Variants in PDE3A observed in about 807,000 individuals in gnomAD.
The protein encoded by PDE3A is cGMP-inhibited 3',5'-cyclic phosphodiesterase 3A.
A neutral mutation model predicts 98.3 loss-of-function variants in PDE3A; 43 were observed. The observed-to-expected ratio is 0.44, with a 90% CI of 0.34 to 0.56. The LOEUF (loss-of-function observed/expected upper bound fraction) is 0.56, where lower values mean the gene tolerates loss of function less well. PDE3A is among the 20% of genes least tolerant of loss of function. The pLI, the probability that PDE3A is intolerant of heterozygous loss-of-function variation, is 0.01. For missense variants in PDE3A, 1,427 were observed against 1,440.7 expected (o/e 0.99, Z 0.15); for synonymous variants, 663 against 567.9 (o/e 1.17, Z -2.38).
chr12:20,477,857 T>C (rs1171647698), intron 1 of PDE3A, among the ~76,000 whole-genome samples: 1 of 152,124 alleles, frequency 6.6e-6, no homozygotes, highest in Non-Finnish European at 1.5e-5. Flanking sequence ...CAACAAAGAA[T>C]GGTGCTTGAA....
intron 15 of PDE3A, among the ~76,000 whole-genome samples, chr12:20,679,746 A>T (rs898577021): frequency 2.0e-5 from 3 of 151,884 alleles, no homozygotes; most frequent in Admixed American, 2.0e-4. Context: ...AGAATCTTGC[A>T]CTGAACATTG....
rs1251993441 is a variant in PDE3A at position 20,654,171 on chromosome 12, T to C, written c.3150T>C (p.Asn1050=). The C allele has an allele frequency of 6.2e-7, 1 of 1,614,166 alleles. No homozygotes were observed. The highest frequency in any genetic ancestry group is 2.2e-5 in the East Asian group (1 of 44,876). Residue 1050 remains asparagine, a synonymous_variant, in exon 15 of 16, where the codon AAT becomes AAC. Coordinates refer to ENST00000359062, the MANE Select transcript of PDE3A (RefSeq NM_000921.5). ...AGGAGGAAGAAGCACCAGCACCAAA[T>C]GAAGAGGAAACCTGTGAAAATAATG... ...EEEEEEAPAP[N]EEETCENNES...
chr12:20,448,453 A>G (rs1370310572), intron 1 of PDE3A, among the ~76,000 whole-genome samples: 1 of 152,184 alleles, frequency 6.6e-6, no homozygotes, highest in East Asian at 1.9e-4. Flanking sequence ...AGGGGGAAAT[A>G]TTAGTGAAGA....
chr12:20,669,796 G>A (rs1216941879), intron 15 of PDE3A, among the ~76,000 whole-genome samples: 8 of 151,278 alleles, frequency 5.3e-5, no homozygotes, highest in East Asian at 3.9e-4. Context: ...ATAAACTAAC[G>A]AGCAAAATAA....
intron 15 of PDE3A, among the ~76,000 whole-genome samples, chr12:20,661,632 G>A (rs1395739822): frequency 6.6e-6 from 1 of 152,162 alleles, no homozygotes; most frequent in South Asian, 2.1e-4. Flanking sequence ...GTACAGCTTG[G>A]GCTGTTGCTT....
At chr12:20,624,546 C>A (rs928647609) in intron 5 of PDE3A, among the ~76,000 whole-genome samples, 3 of 152,134 alleles carry the variant, frequency 2.0e-5, no homozygotes, top group Non-Finnish European at 4.4e-5. Context: ...TAGCAAGAGC[C>A]CCCTTCCATT....
At chr12:20,516,391 T>C (rs946772845) in intron 1 of PDE3A, among the ~76,000 whole-genome samples, 7 of 152,192 alleles carry the variant, frequency 4.6e-5, no homozygotes, top group Non-Finnish European at 8.8e-5. Flanking sequence ...TTTGCTTGAT[T>C]TGTATCTTTC....
At chr12:20,419,357 A>G (rs2120746513) in intron 1 of PDE3A, among the ~76,000 whole-genome samples, 1 of 151,886 alleles carries the variant, frequency 6.6e-6, no homozygotes, top group East Asian at 1.9e-4. Flanking sequence ...CAGTGGTACG[A>G]TCATAGCTCC....
chr12:20,657,665 G>T (rs1945074237), intron 15 of PDE3A, among the ~76,000 whole-genome samples: 1 of 152,064 alleles, frequency 6.6e-6, no homozygotes. Flanking sequence ...GAACAATTTG[G>T]CTCCCAATAC....
At chr12:20,407,093 G>T (rs1944246193) in intron 1 of PDE3A, among the ~76,000 whole-genome samples, 1 of 152,078 alleles carries the variant, frequency 6.6e-6, no homozygotes, top group African/African-American at 2.4e-5. Context: ...TGCCTTATTG[G>T]AGGCAAAAGT....
At chr12:20,586,316 T>G (rs1943196832) in intron 2 of PDE3A, among the ~76,000 whole-genome samples, 1 of 152,198 alleles carries the variant, frequency 6.6e-6, no homozygotes, top group Non-Finnish European at 1.5e-5. Flanking sequence ...GAGCAAACTT[T>G]CAAATTATAC....
At chr12:20,492,801 A>G (rs1458591756) in intron 1 of PDE3A, among the ~76,000 whole-genome samples, 1 of 152,288 alleles carries the variant, frequency 6.6e-6, no homozygotes, top group Non-Finnish European at 1.5e-5. Flanking sequence ...CTGAATCCTA[A>G]CAAGATCCAT....
At chr12:20,413,525 A>G (rs1944369609) in intron 1 of PDE3A, among the ~76,000 whole-genome samples, 1 of 152,112 alleles carries the variant, frequency 6.6e-6, no homozygotes, top group Non-Finnish European at 1.5e-5. Context: ...AGGACAAGAG[A>G]GAGCTGTGCT....
chr12:20,643,391 T>G (rs1274947822), intron 10 of PDE3A, among the ~76,000 whole-genome samples: 1 of 152,200 alleles, frequency 6.6e-6, no homozygotes, highest in Non-Finnish European at 1.5e-5. Context: ...TCTTTGCTCC[T>G]GGGTTGGGTT....
rs1281615165 is a variant in PDE3A, at chr12:20,509,299, G to A, written c.961-47361G>A. Among the ~76,000 whole-genome samples, 3 of 152,148 alleles carry A rather than the reference G, an allele frequency of 2.0e-5. No homozygotes were observed. The South Asian group carries it at 6.2e-4, about 31-fold the overall frequency. On this transcript the variant is annotated intron_variant, in intron 1 of 15. Transcript: ENST00000359062. ...ATATTCTGGACAAGGGCCTTTTAAG[G>A]TGTCTAGTTTTAGGTGTTGGGCAAA...
chr12:20,444,975 A>G (rs1944930805), intron 1 of PDE3A, among the ~76,000 whole-genome samples: 1 of 152,204 alleles, frequency 6.6e-6, no homozygotes, highest in Non-Finnish European at 1.5e-5. Context: ...TAAATTTTGC[A>G]CTAGGAAATA....
chr12:20,527,936 G>A (rs1271663787), intron 1 of PDE3A, among the ~76,000 whole-genome samples: 4 of 149,342 alleles, frequency 2.7e-5, no homozygotes, highest in Admixed American at 6.7e-5. Context: ...AAAAAAAAAA[G>A]CAAAACTCAA....
chr12:20,568,715 G>A (rs1042790675), intron 2 of PDE3A, among the ~76,000 whole-genome samples: 6 of 151,874 alleles, frequency 4.0e-5, no homozygotes, highest in Admixed American at 6.6e-5. Flanking sequence ...ATAGCTATAC[G>A]ACTGCTTAGA....
intron 1 of PDE3A, among the ~76,000 whole-genome samples, chr12:20,383,098 A>T (rs1338433260): frequency 6.6e-6 from 1 of 151,880 alleles, no homozygotes; most frequent in Non-Finnish European, 1.5e-5. Context: ...AAAAAGGCTT[A>T]AGAGAGATAT....
Sources: gnomAD v4.1 joint callset for allele counts (sites outside exome capture counted in the v4.1 genomes callset) on GRCh38, gnomAD v4.1.1 for gene constraint, MANE v1.5 for transcripts, NCBI Gene and HGNC (gene_info 2026-07-23, HGNC 2026-07-21) for gene names.